The following TTC27 variants were observed in gnomAD, a reference collection of about 807,000 sequenced individuals.
TTC27 encodes the protein tetratricopeptide repeat protein 27.
Under a neutral mutation model 115.9 loss-of-function variants are expected in TTC27, and 79 were observed. That is an observed-to-expected ratio of 0.68 (90% CI 0.57 to 0.82). The LOEUF is 0.82. Among genes scored for constraint, TTC27 ranks in the 40% least tolerant of loss-of-function variants. The pLI is 0.00. For missense variants in TTC27, 1,054 were observed against 993.1 expected, an observed-to-expected ratio of 1.06 and a Z score of -0.82; for synonymous variants, 401 against 356.0, an observed-to-expected ratio of 1.13 and a Z score of -1.42.
chr2:32,710,070 C>T (rs192412028), intron 10 of TTC27, among the ~76,000 whole-genome samples: 3 of 152,220 alleles, frequency 2.0e-5, no homozygotes, highest in East Asian at 1.9e-4. Flanking sequence ...CTCTGGAGTG[C>T]GGTGGCATGA....
chr2:32,660,867 G>C (rs1440457696), intron 5 of TTC27, among the ~76,000 whole-genome samples: 1 of 152,120 alleles, frequency 6.6e-6, no homozygotes, highest in Non-Finnish European at 1.5e-5. Flanking sequence ...GAATGGTATT[G>C]CCTAGGTTTT....
At chr2:32,751,633 G>T (rs1367481868) in intron 12 of TTC27, among the ~76,000 whole-genome samples, 1 of 152,120 alleles carries the variant, frequency 6.6e-6, no homozygotes, top group African/African-American at 2.4e-5. Flanking sequence ...AGTCCCAAAG[G>T]GTTAACATTA....
chr2:32,685,219 G>C (rs1438287325), intron 9 of TTC27, among the ~76,000 whole-genome samples: 1 of 151,688 alleles, frequency 6.6e-6, no homozygotes, highest in African/African-American at 2.4e-5. Flanking sequence ...TAGTACAGAT[G>C]GGGTTTCACC....
At chr2:32,777,812 AATAATTTTCAG>A in intron 13 of TTC27, 59 bp from the exon 14 acceptor site, 1 of 1,452,240 alleles carries the variant, frequency 6.9e-7, no homozygotes, top group South Asian at 1.2e-5. Context: ...ATAGCATCTT[AATAATTTTCAG>A]ATTACATTCT....
intron 9 of TTC27, among the ~76,000 whole-genome samples, chr2:32,698,701 C>T (rs541146589): frequency 2.6e-5 from 4 of 151,648 alleles, no homozygotes; most frequent in Admixed American, 6.6e-5. Flanking sequence ...AGGATGGTCT[C>T]GATCTCCTGA....
chr2:32,648,066 A>G (rs1363319559), intron 4 of TTC27, among the ~76,000 whole-genome samples: 1 of 152,000 alleles, frequency 6.6e-6, no homozygotes, highest in Non-Finnish European at 1.5e-5. Flanking sequence ...TTTGTCACTG[A>G]TTTTTTCCGC....
chr2:32,681,980 A>ATGTG (rs70938359), intron 9 of TTC27, among the ~76,000 whole-genome samples: 1,802 of 89,886 alleles, frequency 0.02, 21 homozygotes, highest in South Asian at 0.081. Context: ...ATGTATATAT[A>ATGTG]TGTGTGTGTG....
intron 16 of TTC27, 134 bp from the exon 17 acceptor site, chr2:32,810,890 C>T (rs1450007739): frequency 1.0e-6 from 1 of 979,060 alleles, no homozygotes; most frequent in Non-Finnish European, 1.5e-6. Flanking sequence ...TTTTCAAAAG[C>T]TTAAAGGTGA....
At chr2:32,787,355 C>T in intron 16 of TTC27, among the ~76,000 whole-genome samples, 1 of 152,144 alleles carries the variant, frequency 6.6e-6, no homozygotes, top group Non-Finnish European at 1.5e-5. Context: ...CAGTCATAAA[C>T]TGAATATTAC....
intron 19 of TTC27, 38 bp from the exon 20 acceptor site, chr2:32,820,778 G>A: frequency 6.8e-7 from 1 of 1,480,360 alleles, no homozygotes; most frequent in Non-Finnish European, 9.0e-7. Context: ...AGAAATTTGT[G>A]TTGTTTTAAT....
At position 32,773,440 on chromosome 2, in the gene TTC27, AG is replaced by A. The variant is rs200730438; in HGVS notation, c.1681-4441del. ...AAAGAATTATCTTTTGGGTTTTCCCAGCACATGTTAACTGCCCTGTTTCCCC... is the reference window on the plus strand; with the variant it reads ...AAAGAATTATCTTTTGGGTTTTCCCACACATGTTAACTGCCCTGTTTCCCC... On this transcript the variant is annotated intron_variant, in intron 13 of 19. Transcript: ENST00000317907. Among the ~76,000 whole-genome samples, 24 of 152,372 alleles carry A rather than the reference AG, an allele frequency of 1.6e-4. No homozygotes were observed. In the East Asian group the frequency reaches 4.6e-3, roughly 29 times the overall value.
At chr2:32,807,228 A>G (rs543709245) in intron 16 of TTC27, among the ~76,000 whole-genome samples, 150 of 152,276 alleles carry the variant, frequency 9.9e-4, no homozygotes, top group African/African-American at 3.5e-3. Context: ...CTGTTTTTAA[A>G]TGTATATTAA....
At chr2:32,644,086 C>CAGG (rs1236637279) in intron 4 of TTC27, among the ~76,000 whole-genome samples, 1 of 148,446 alleles carries the variant, frequency 6.7e-6, no homozygotes, top group South Asian at 2.1e-4. Flanking sequence ...AAGGCTGAGG[C>CAGG]AGGAGAATTG....
chr2:32,751,117 A>G (rs1230276299), intron 12 of TTC27, among the ~76,000 whole-genome samples: 1 of 152,126 alleles, frequency 6.6e-6, no homozygotes, highest in East Asian at 1.9e-4. Context: ...CCTGCTTCCC[A>G]TGTAATGATT....
intron 9 of TTC27, among the ~76,000 whole-genome samples, chr2:32,696,156 A>G (rs1666980022): frequency 6.6e-6 from 1 of 151,474 alleles, no homozygotes; most frequent in Non-Finnish European, 1.5e-5. Flanking sequence ...TTCTTTTGTG[A>G]CTGACTTCAC....
intron 9 of TTC27, among the ~76,000 whole-genome samples, chr2:32,686,932 C>T (rs532329588): frequency 6.6e-6 from 1 of 152,222 alleles, no homozygotes; most frequent in East Asian, 1.9e-4. Context: ...GCAACCTCTA[C>T]CTCCTGGGTT....
intron 12 of TTC27, among the ~76,000 whole-genome samples, chr2:32,752,894 C>T (rs562936659): frequency 9.9e-5 from 15 of 152,172 alleles, no homozygotes; most frequent in African/African-American, 3.6e-4. Context: ...CTAGACTTAC[C>T]CTCTTTCTTT....
At chr2:32,646,354 A>G (rs1664859059) in intron 4 of TTC27, among the ~76,000 whole-genome samples, 1 of 151,742 alleles carries the variant, frequency 6.6e-6, no homozygotes, top group African/African-American at 2.4e-5. Context: ...ATTTTTGTAG[A>G]GATGGGATCT....
At chr2:32,676,566 A>C (rs1415621233) in intron 8 of TTC27, among the ~76,000 whole-genome samples, 1 of 143,408 alleles carries the variant, frequency 7.0e-6, no homozygotes, top group Non-Finnish European at 1.5e-5. Flanking sequence ...ATCTTGGCTC[A>C]CTGCAACCTC....
Sources: gnomAD v4.1 joint callset for allele counts (sites outside exome capture counted in the v4.1 genomes callset) on GRCh38, gnomAD v4.1.1 for gene constraint, MANE v1.5 for transcripts, NCBI Gene and HGNC (gene_info 2026-07-23, HGNC 2026-07-21) for gene names.